The following PCDHA13 variants were observed in gnomAD, a reference collection of about 807,000 sequenced individuals.
The protein encoded by PCDHA13 is protocadherin alpha 13.
In PCDHA13, 54 loss-of-function variants were observed where a neutral mutation model predicts 64.8. The ratio of observed to expected loss-of-function variants is 0.83; its 90% confidence interval spans 0.67 to 1.04. The LOEUF (loss-of-function observed/expected upper bound fraction) is 1.04. Ranked by LOEUF, PCDHA13 falls within the 50% of genes least tolerant of loss-of-function variation. PCDHA13 has a pLI of 0.00. For synonymous variants in PCDHA13, 587 were observed against 564.4 expected (o/e 1.04, Z -0.57); for missense variants, 1,248 against 1,254.3 (o/e 0.99, Z 0.08).
intron 1 of PCDHA13, among the ~76,000 whole-genome samples, chr5:140,975,776 A>G (rs1554237009): frequency 1.3e-5 from 2 of 152,152 alleles, no homozygotes; most frequent in African/African-American, 2.4e-5. Flanking sequence ...AGATAATACC[A>G]TTACAAGATA....
Position 140,928,034 on chromosome 5 carries a change from G to T in PCDHA13, c.2394+43372G>T. 3 of 1,614,206 alleles carry T rather than the reference G, an allele frequency of 1.9e-6. No homozygotes were observed. Among genetic ancestry groups the T allele is most frequent in the Non-Finnish European group, 2.5e-6 (3 of 1,180,036 alleles). Reference sequence around the variant, plus strand: ...GGTAGGGTCATTTGTGGCATGTCTAGTGCAGGCCCTTTTCAGCTGACGGCT... The same window carrying T: ...GGTAGGGTCATTTGTGGCATGTCTATTGCAGGCCCTTTTCAGCTGACGGCT... On this transcript the variant is annotated intron_variant, in intron 1 of 3. Transcript: ENST00000289272.
chr5:140,972,978 A>G (rs1392208477), intron 1 of PCDHA13, among the ~76,000 whole-genome samples: 1 of 152,058 alleles, frequency 6.6e-6, no homozygotes, highest in African/African-American at 2.4e-5. Flanking sequence ...ACCAAATCTT[A>G]AGGTAGATTC....
intron 1 of PCDHA13, among the ~76,000 whole-genome samples, chr5:140,890,921 T>G (rs1165166836): frequency 6.6e-6 from 1 of 152,222 alleles, no homozygotes; most frequent in Non-Finnish European, 1.5e-5. Flanking sequence ...ATTTGAGAGT[T>G]TCCTTTAGTC....
At chr5:140,912,523 A>G (rs550105639) in intron 1 of PCDHA13, among the ~76,000 whole-genome samples, 1 of 152,248 alleles carries the variant, frequency 6.6e-6, no homozygotes, top group East Asian at 1.9e-4. Context: ...TAGGGTTTTC[A>G]GAGTACATGA....
chr5:140,928,552 G>A lies in PCDHA13; in HGVS notation c.2394+43890G>A, dbSNP rs145928329. On this transcript the variant is annotated intron_variant, in intron 1 of 3. Coordinates refer to ENST00000289272, the MANE Select transcript of PCDHA13 (RefSeq NM_018904.3). ...GGTAGATAGGAATGACAATTATCCGGTTATCTTGTTTCCCTTGCCCAGAAA... is the reference window on the plus strand; with the variant it reads ...GGTAGATAGGAATGACAATTATCCGATTATCTTGTTTCCCTTGCCCAGAAA... The A allele has an allele frequency of 6.7e-4, 1,075 of 1,614,218 alleles. 1 individual carries two copies. Among genetic ancestry groups the A allele is most frequent in the Non-Finnish European group, 8.6e-4 (1,013 of 1,180,042 alleles).
chr5:140,899,846 C>T (rs1554188760), intron 1 of PCDHA13, among the ~76,000 whole-genome samples: 1 of 152,142 alleles, frequency 6.6e-6, no homozygotes, highest in African/African-American at 2.4e-5. Flanking sequence ...CTTGCTGTGT[C>T]ACCCAGGCTG....
At chr5:140,924,572 A>G (rs1345446158) in intron 1 of PCDHA13, among the ~76,000 whole-genome samples, 1 of 152,132 alleles carries the variant, frequency 6.6e-6, no homozygotes, top group African/African-American at 2.4e-5. Flanking sequence ...CAATTTTTAA[A>G]TGTTTTCAAA....
intron 1 of PCDHA13, among the ~76,000 whole-genome samples, chr5:140,951,667 C>T (rs180768474): frequency 6.6e-6 from 1 of 152,156 alleles, no homozygotes; most frequent in African/African-American, 2.4e-5. Context: ...GGCCTGCCTA[C>T]AAAATTGGGG....
chr5:140,884,804 T>A (rs1223470171), intron 1 of PCDHA13, 142 bp downstream of exon 1: 1 of 1,210,196 alleles, frequency 8.3e-7, no homozygotes, highest in Non-Finnish European at 1.1e-6. Flanking sequence ...ATTTAACAAC[T>A]CTGCTGTGGA....
At chr5:140,988,424 G>C (rs1563549055) in intron 3 of PCDHA13, among the ~76,000 whole-genome samples, 1 of 152,158 alleles carries the variant, frequency 6.6e-6, no homozygotes, top group Non-Finnish European at 1.5e-5. Context: ...TAAAGAATTT[G>C]TTTGTTTTGG....
At chr5:140,898,430 C>G (rs2153460461) in intron 1 of PCDHA13, among the ~76,000 whole-genome samples, 1 of 152,270 alleles carries the variant, frequency 6.6e-6, no homozygotes, top group East Asian at 1.9e-4. Flanking sequence ...TTCCCAGCAC[C>G]ATTTATTAAA....
Position 141,009,935 on chromosome 5 carries a change from T to TGAG in PCDHA13, c.2853_*2dup. Reference sequence around the variant, plus strand: ...CAGCACGACTGACAACAGTGACCAGTGAGGTCCTCAAATGGAAACAAGCCA... The same window carrying TGAG: ...CAGCACGACTGACAACAGTGACCAGTGAGGAGGTCCTCAAATGGAAACAAGCCA... On this transcript the variant is annotated inframe_insertion and stop_retained_variant, in exon 4 of 4. Transcript: ENST00000289272. 6.2e-7 allele frequency: 1 copy of TGAG among 1,602,418 alleles called. No individual in the cohort carries two copies. The highest frequency in any genetic ancestry group is 8.5e-7 in the Non-Finnish European group (1 of 1,176,054).
intron 1 of PCDHA13, among the ~76,000 whole-genome samples, chr5:140,895,744 G>T (rs534394379): frequency 6.6e-6 from 1 of 152,182 alleles, no homozygotes; most frequent in Admixed American, 6.5e-5. Flanking sequence ...GCTGCAAAGG[G>T]CATGATCTTT....
chr5:140,967,218 C>T, intron 1 of PCDHA13: 3 of 1,613,744 alleles, frequency 1.9e-6, no homozygotes, highest in South Asian at 1.1e-5. Flanking sequence ...TTCCCGCGGC[C>T]CAACTACCAG....
intron 1 of PCDHA13, among the ~76,000 whole-genome samples, chr5:140,921,063 T>G (rs1054649837): frequency 6.6e-6 from 1 of 152,078 alleles, no homozygotes; most frequent in Admixed American, 6.6e-5. Context: ...CACTCTAACC[T>G]TGAACTCTTG....
At chr5:140,998,939 A>C (rs1299425979) in intron 3 of PCDHA13, among the ~76,000 whole-genome samples, 2 of 152,248 alleles carry the variant, frequency 1.3e-5, no homozygotes, top group Admixed American at 1.3e-4. Flanking sequence ...CAGATGAAGA[A>C]ACTGTAAGTC....
chr5:140,967,889 C>T, intron 1 of PCDHA13: 1 of 1,614,146 alleles, frequency 6.2e-7, no homozygotes, highest in Non-Finnish European at 8.5e-7. Context: ...TAGCCCAGTG[C>T]CTGAGAATGC....
chr5:140,966,788 C>A, intron 1 of PCDHA13: 1 of 1,527,436 alleles, frequency 6.5e-7, no homozygotes, highest in African/African-American at 1.4e-5. Flanking sequence ...GGGCACCAGA[C>A]CTGCGGCGAC....
intron 1 of PCDHA13, chr5:140,966,657 G>A: frequency 1.7e-6 from 2 of 1,210,192 alleles, no homozygotes; most frequent in Admixed American, 3.9e-5. Context: ...TGAGCGGTGG[G>A]GGAGCAGGCG....
Sources: gnomAD v4.1 joint callset for allele counts (sites outside exome capture counted in the v4.1 genomes callset) on GRCh38, gnomAD v4.1.1 for gene constraint, MANE v1.5 for transcripts, NCBI Gene and HGNC (gene_info 2026-07-23, HGNC 2026-07-21) for gene names.